Variants in RNF216 observed in about 807,000 individuals in gnomAD.
RNF216 encodes E3 ubiquitin-protein ligase RNF216.
Under a neutral mutation model 110.8 loss-of-function variants are expected in RNF216, and 72 were observed. That is an observed-to-expected ratio of 0.65 (90% CI 0.54 to 0.79). The LOEUF (loss-of-function observed/expected upper bound fraction) is 0.79, where lower values mean the gene tolerates loss of function less well. Among genes scored for constraint, RNF216 ranks in the 30% least tolerant of loss-of-function variants. The probability of loss-of-function intolerance (pLI) is 0.00; values close to 1 mark genes in which losing one functional copy is unlikely to be tolerated. For missense variants in RNF216, 1,342 were observed against 1,141.2 expected, an observed-to-expected ratio of 1.18 and a Z score of -2.54; for synonymous variants, 495 against 407.5, an observed-to-expected ratio of 1.21 and a Z score of -2.59.
intron 15 of RNF216, among the ~76,000 whole-genome samples, chr7:5,630,808 C>A (rs1215530652): frequency 6.6e-6 from 1 of 152,218 alleles, no homozygotes; most frequent in East Asian, 1.9e-4. Flanking sequence ...AGTTTCACCA[C>A]AGCTCCCTGA....
At chr7:5,763,086 G>T (rs1023716618) in intron 1 of RNF216, among the ~76,000 whole-genome samples, 2 of 152,084 alleles carry the variant, frequency 1.3e-5, no homozygotes, top group African/African-American at 4.8e-5. Flanking sequence ...AAATATTTGG[G>T]AAATGGACTC....
intron 15 of RNF216, among the ~76,000 whole-genome samples, chr7:5,630,132 A>T (rs1198353775): frequency 4.6e-5 from 7 of 152,112 alleles, no homozygotes; most frequent in Non-Finnish European, 8.8e-5. Context: ...GGATCACAGC[A>T]CAACTGTCCT....
At chr7:5,712,666 T>G (rs1460835460) in intron 12 of RNF216, 49 bp downstream of exon 12, 1 of 1,599,752 alleles carries the variant, frequency 6.3e-7, no homozygotes, top group Non-Finnish European at 8.5e-7. Context: ...CAGGTAGTTT[T>G]CACAATGGGG....
At chr7:5,623,527 T>G (rs56984603) in intron 16 of RNF216, among the ~76,000 whole-genome samples, 1 of 151,874 alleles carries the variant, frequency 6.6e-6, no homozygotes, top group East Asian at 1.9e-4. Flanking sequence ...CTCAAACTCC[T>G]GGGCTCAACT....
chr7:5,707,207 GTTCTTCT>G (rs1792349848), intron 13 of RNF216, among the ~76,000 whole-genome samples: 1 of 152,168 alleles, frequency 6.6e-6, no homozygotes, highest in African/African-American at 2.4e-5. Context: ...TTCCAGCTTT[GTTCTTCT>G]TTCTTAAGAC....
At chr7:5,660,262 A>ATT (rs71547786) in intron 13 of RNF216, among the ~76,000 whole-genome samples, 1 of 46,208 alleles carries the variant, frequency 2.2e-5, no homozygotes, top group Non-Finnish European at 5.3e-5. Context: ...CCTGTTTTAA[A>ATT]TTCTTTTTTT....
intron 14 of RNF216, among the ~76,000 whole-genome samples, chr7:5,642,225 T>C (rs1787780633): frequency 6.6e-6 from 1 of 151,442 alleles, no homozygotes. Flanking sequence ...TTGTTTTTTT[T>C]TTTTTGAGAC....
intron 3 of RNF216, among the ~76,000 whole-genome samples, chr7:5,751,657 C>A (rs77804903): frequency 2.0e-5 from 3 of 151,920 alleles, no homozygotes; most frequent in Admixed American, 6.6e-5. Context: ...CCTGTCCCAG[C>A]CTGACAAGAA....
At chr7:5,756,580 A>G (rs2128667308) in intron 2 of RNF216, among the ~76,000 whole-genome samples, 1 of 152,252 alleles carries the variant, frequency 6.6e-6, no homozygotes, top group South Asian at 2.1e-4. Flanking sequence ...TTTTTAGTAG[A>G]GATGGGGTTT....
chr7:5,759,243 A>T (rs1341921430), intron 2 of RNF216, among the ~76,000 whole-genome samples: 27 of 152,172 alleles, frequency 1.8e-4, no homozygotes, highest in Non-Finnish European at 1.5e-5. Context: ...TTTCCTATAC[A>T]GCCTACAGAA....
intron 14 of RNF216, among the ~76,000 whole-genome samples, chr7:5,651,190 T>C (rs1258747594): frequency 6.6e-6 from 1 of 152,060 alleles, no homozygotes; most frequent in African/African-American, 2.4e-5. Context: ...GAAGAGAATA[T>C]CACCTTCAGG....
At chr7:5,690,600 C>G (rs535187432) in intron 13 of RNF216, among the ~76,000 whole-genome samples, 2 of 152,292 alleles carry the variant, frequency 1.3e-5, no homozygotes, top group Non-Finnish European at 2.9e-5. Context: ...TTTCCCTGTA[C>G]ATCTGCAAGC....
intron 8 of RNF216, among the ~76,000 whole-genome samples, chr7:5,723,419 G>A (rs932093092): frequency 5.3e-5 from 8 of 152,148 alleles, no homozygotes; most frequent in East Asian, 1.9e-4. Context: ...AGGCCGAGGC[G>A]GGCGGATCAC....
rs1012007425 is a variant in RNF216 at position 5,776,283 on chromosome 7, A to G, written c.-70+5258T>C. On this transcript the variant is annotated intron_variant, in intron 1 of 16. Coordinates refer to ENST00000389902, the MANE Select transcript of RNF216 (RefSeq NM_207111.4). ...CCATCAATCAGAGAATAAAGTCACT[A>G]GTGTAATAAAGAGACTATAGCCGGG... 8.5e-5 allele frequency among the ~76,000 whole-genome samples: 13 copies of G among 152,050 alleles called. 1 individual carries two copies. Among genetic ancestry groups the G allele is most frequent in the Admixed American group, 8.5e-4 (13 of 15,242 alleles).
At chr7:5,652,545 G>A (rs775996179) in intron 13 of RNF216, 35 bp from the exon 14 acceptor site, 10 of 1,396,290 alleles carry the variant, frequency 7.2e-6, no homozygotes, top group South Asian at 1.2e-5. Flanking sequence ...GACAACTCCT[G>A]GTGAGTGGAC....
At chr7:5,759,065 T>C (rs186709497) in intron 2 of RNF216, among the ~76,000 whole-genome samples, 1 of 152,146 alleles carries the variant, frequency 6.6e-6, no homozygotes, top group Non-Finnish European at 1.5e-5. Flanking sequence ...TCCGTTCTGG[T>C]TGCAACAGTG....
In RNF216 at chr7:5,710,381, A is replaced by AC. The variant is rs376646826; in HGVS notation, c.2061+1379_2061+1380insG. Among the ~76,000 whole-genome samples the AC allele has an allele frequency of 7.7e-3, 1,172 of 151,816 alleles. 20 individuals carry two copies. The highest frequency in any genetic ancestry group is 0.027 in the African/African-American group (1,123 of 41,368). On this transcript the variant is annotated intron_variant, in intron 13 of 16. Transcript: ENST00000389902. Reference sequence around the variant, plus strand: ...CCTCAAAACTTAAAAACAAAAACAAAAACAAAAAACGTCCTCAGAGAATAA... The same window carrying AC: ...CCTCAAAACTTAAAAACAAAAACAAACAACAAAAAACGTCCTCAGAGAATAA...
intron 13 of RNF216, among the ~76,000 whole-genome samples, chr7:5,665,181 C>T (rs1789427974): frequency 6.6e-6 from 1 of 152,170 alleles, no homozygotes; most frequent in South Asian, 2.1e-4. Context: ...GCCAAGCTCA[C>T]CATGCAGGGG....
intron 15 of RNF216, among the ~76,000 whole-genome samples, chr7:5,635,975 T>C (rs1225397582): frequency 6.6e-6 from 1 of 152,200 alleles, no homozygotes; most frequent in African/African-American, 2.4e-5. Context: ...AGAAAACAAT[T>C]CTCTGTAGTT....
Sources: allele counts gnomAD v4.1 joint callset (sites outside exome capture counted in the v4.1 genomes callset), GRCh38; gene constraint gnomAD v4.1.1; transcripts MANE v1.5; gene names NCBI Gene and HGNC (gene_info 2026-07-23, HGNC 2026-07-21).